The following SDK1 variants were observed in gnomAD, a reference collection of about 807,000 sequenced individuals.
SDK1 encodes sidekick cell adhesion molecule 1, also known as protein sidekick-1.
SDK1 carries 157 observed loss-of-function variants against 245.5 expected under a neutral mutation model. The ratio of observed to expected loss-of-function variants is 0.64; its 90% CI spans 0.56 to 0.73. The LOEUF (loss-of-function observed/expected upper bound fraction) is 0.73. SDK1 is among the 30% of genes least tolerant of loss of function. The pLI, the probability that SDK1 is intolerant of heterozygous loss-of-function variation, is 0.00. For synonymous variants in SDK1, 1,647 were observed against 1,278.5 expected, an observed-to-expected ratio of 1.29 and a Z score of -6.15; for missense variants, 3,583 against 3,002.3, an observed-to-expected ratio of 1.19 and a Z score of -4.52.
chr7:3,876,752 G>T (rs565723964), intron 5 of SDK1, among the ~76,000 whole-genome samples: 1 of 152,266 alleles, frequency 6.6e-6, no homozygotes, highest in African/African-American at 2.4e-5. Context: ...TTTTAATCAA[G>T]ATAAGTGACC....
intron 6 of SDK1, 30 bp downstream of exon 6, chr7:3,951,064 A>G (rs746775935): frequency 7.5e-6 from 11 of 1,465,968 alleles, no homozygotes; most frequent in Admixed American, 1.7e-5. Context: ...TGAGACTCCT[A>G]GTAAATATTC....
At chr7:3,860,689 C>G (rs75305233) in intron 5 of SDK1, among the ~76,000 whole-genome samples, 8,082 of 152,178 alleles carry the variant, frequency 0.053, 697 homozygotes, top group African/African-American at 0.18. Context: ...TAGCAGTCAT[C>G]TCCTCCTCTC....
intron 35 of SDK1, among the ~76,000 whole-genome samples, chr7:4,181,196 C>T (rs1195416159): frequency 1.3e-5 from 2 of 152,226 alleles, no homozygotes; most frequent in Non-Finnish European, 2.9e-5. Context: ...TCGTGCAGTG[C>T]TTGTCTTCCT....
At chr7:3,535,600 A>G (rs137942649) in intron 1 of SDK1, among the ~76,000 whole-genome samples, 34 of 152,270 alleles carry the variant, frequency 2.2e-4, no homozygotes, top group African/African-American at 7.5e-4. Context: ...CTTCTATAAC[A>G]TGGTCCCTTA....
At chr7:4,143,732 A>G (rs1487113884) in intron 28 of SDK1, among the ~76,000 whole-genome samples, 1 of 152,150 alleles carries the variant, frequency 6.6e-6, no homozygotes, top group Non-Finnish European at 1.5e-5. Context: ...ACAGATCGGC[A>G]TGGGTGTTTG....
At chr7:3,927,054 T>G (rs1157284846) in intron 5 of SDK1, among the ~76,000 whole-genome samples, 1 of 152,098 alleles carries the variant, frequency 6.6e-6, no homozygotes, top group African/African-American at 2.4e-5. Context: ...TGTCCACCAG[T>G]GGGGTTCCGT....
chr7:3,611,869 C>G (rs551642130), intron 1 of SDK1, among the ~76,000 whole-genome samples: 53 of 152,190 alleles, frequency 3.5e-4, no homozygotes, highest in African/African-American at 1.2e-3. Flanking sequence ...CACTTTTACA[C>G]TGGTGGTGAG....
intron 1 of SDK1, among the ~76,000 whole-genome samples, chr7:3,459,947 C>T (rs945852516): frequency 6.6e-6 from 1 of 152,148 alleles, no homozygotes; most frequent in Non-Finnish European, 1.5e-5. Flanking sequence ...AGAAACTTGC[C>T]TGCCTCTTGG....
intron 1 of SDK1, among the ~76,000 whole-genome samples, chr7:3,319,005 G>A (rs1779729542): frequency 6.6e-6 from 1 of 152,048 alleles, no homozygotes; most frequent in African/African-American, 2.4e-5. Flanking sequence ...GGCCTATCTG[G>A]GGGTGGCCTG....
chr7:4,083,642 TTC>T (rs1781217406), intron 22 of SDK1, among the ~76,000 whole-genome samples: 4 of 90,312 alleles, frequency 4.4e-5, no homozygotes, highest in South Asian at 4.6e-4. Context: ...CTTTCCTTCC[TTC>T]CTTCCTCCAC....
chr7:3,585,789 G>A lies in SDK1; in HGVS notation c.299-33291G>A, dbSNP rs118033271. On this transcript the variant is annotated intron_variant, in intron 1 of 44. Coordinates refer to ENST00000404826, the MANE Select transcript of SDK1 (RefSeq NM_152744.4). The stretch of plus-strand genomic sequence containing the variant: ...ACGGGGGAGAAATCTAAAGACAGGT[G>A]TGCCACTTTTGCCTCTAAACATGTG... Among the ~76,000 whole-genome samples, 874 of 152,270 alleles carry A rather than the reference G, an allele frequency of 5.7e-3. 6 individuals carry two copies. The highest frequency in any genetic ancestry group is 0.014 in the Middle Eastern group (4 of 294).
chr7:4,083,326 G>C (rs192854663), intron 22 of SDK1, among the ~76,000 whole-genome samples: 61 of 151,826 alleles, frequency 4.0e-4, no homozygotes, highest in African/African-American at 1.9e-4. Context: ...TTACAGCTCT[G>C]TTAATCTAGT....
At chr7:3,403,179 C>T (rs1448867255) in intron 1 of SDK1, among the ~76,000 whole-genome samples, 1 of 152,084 alleles carries the variant, frequency 6.6e-6, no homozygotes, top group East Asian at 1.9e-4. Context: ...GGTGATCTGC[C>T]CGCCTTAGCC....
intron 38 of SDK1, among the ~76,000 whole-genome samples, chr7:4,211,036 T>A (rs1392379094): frequency 6.6e-6 from 1 of 151,836 alleles, no homozygotes. Context: ...GTGAGTGGGG[T>A]GCAGGCACTG....
At chr7:3,792,543 C>G (rs1177358866) in intron 4 of SDK1, among the ~76,000 whole-genome samples, 1 of 152,188 alleles carries the variant, frequency 6.6e-6, no homozygotes, top group African/African-American at 2.4e-5. Context: ...GCAAATCAGG[C>G]TTTTATGCTC....
At chr7:3,629,025 G>A (rs1000326163) in intron 2 of SDK1, among the ~76,000 whole-genome samples, 1 of 151,996 alleles carries the variant, frequency 6.6e-6, no homozygotes, top group South Asian at 2.1e-4. Context: ...AAGCGCAGTG[G>A]CTCACACCTA....
chr7:4,195,544 C>G (rs1783527656), intron 35 of SDK1, among the ~76,000 whole-genome samples: 1 of 152,220 alleles, frequency 6.6e-6, no homozygotes, highest in Non-Finnish European at 1.5e-5. Flanking sequence ...GCAATTCCCA[C>G]TGTCTGCCTG....
intron 1 of SDK1, among the ~76,000 whole-genome samples, chr7:3,457,414 A>T (rs1171891243): frequency 6.6e-6 from 1 of 152,074 alleles, no homozygotes; most frequent in Non-Finnish European, 1.5e-5. Flanking sequence ...CACAGACACT[A>T]TACACAATGT....
At chr7:3,375,456 A>G (rs1781331129) in intron 1 of SDK1, among the ~76,000 whole-genome samples, 1 of 152,194 alleles carries the variant, frequency 6.6e-6, no homozygotes, top group South Asian at 2.1e-4. Flanking sequence ...ATTGCCTTGT[A>G]GTATTCTTAT....
Sources: gnomAD v4.1 joint callset for allele counts (sites outside exome capture counted in the v4.1 genomes callset) on GRCh38, gnomAD v4.1.1 for gene constraint, MANE v1.5 for transcripts, NCBI Gene and HGNC (gene_info 2026-07-23, HGNC 2026-07-21) for gene names.